RELN: variants seen among roughly 807,000 people sequenced by gnomAD.
The protein encoded by RELN is reelin.
A neutral mutation model predicts 427.6 loss-of-function variants in RELN; 108 were observed. That is an observed-to-expected ratio of 0.25 (90% CI 0.22 to 0.30). The LOEUF (loss-of-function observed/expected upper bound fraction) is 0.30. Among genes scored for constraint, RELN ranks in the 10% least tolerant of loss-of-function variants. RELN has a pLI of 1.00. For synonymous variants in RELN, 1,524 were observed against 1,513.4 expected, an observed-to-expected ratio of 1.01 and a Z score of -0.16; for missense variants, 3,715 against 4,302.8, an observed-to-expected ratio of 0.86 and a Z score of 3.82.
chr7:103,553,425 A>C (rs770499412), intron 40 of RELN, 36 bp downstream of exon 40: 4 of 1,502,820 alleles, frequency 2.7e-6, no homozygotes, highest in Non-Finnish European at 3.7e-6. Context: ...TTCAATATAA[A>C]ATTTAAAGCA....
intron 8 of RELN, among the ~76,000 whole-genome samples, chr7:103,708,234 C>T (rs915393679): frequency 1.3e-5 from 2 of 152,110 alleles, no homozygotes; most frequent in African/African-American, 4.8e-5. Context: ...ATCAATGAGT[C>T]GACCAACTAT....
chr7:103,570,848 A>G (rs994990455), intron 31 of RELN, among the ~76,000 whole-genome samples: 5 of 151,972 alleles, frequency 3.3e-5, no homozygotes, highest in Non-Finnish European at 7.3e-5. Flanking sequence ...TTATTATTAG[A>G]GGTTTATTAT....
intron 11 of RELN, among the ~76,000 whole-genome samples, chr7:103,665,811 A>C (rs1833252739): frequency 6.6e-6 from 1 of 152,072 alleles, no homozygotes; most frequent in African/African-American, 2.4e-5. Context: ...TCCTCTATTC[A>C]TTCTATATTC....
chr7:103,986,192 A>G (rs2116853235), intron 1 of RELN, among the ~76,000 whole-genome samples: 1 of 152,328 alleles, frequency 6.6e-6, no homozygotes, highest in Admixed American at 6.5e-5. Context: ...TGCCCTTTCA[A>G]AAGAGTCAGA....
chr7:103,527,476 C>G (rs1026272884), intron 46 of RELN, among the ~76,000 whole-genome samples: 2 of 152,192 alleles, frequency 1.3e-5, no homozygotes, highest in Non-Finnish European at 2.9e-5. Flanking sequence ...GCAAACCTTT[C>G]AAAACTCCAC....
At chr7:103,699,184 A>T (rs1321942706) in intron 9 of RELN, among the ~76,000 whole-genome samples, 1 of 152,130 alleles carries the variant, frequency 6.6e-6, no homozygotes, top group African/African-American at 2.4e-5. Context: ...CTAAAATGCA[A>T]ACTAGTGGTA....
At chr7:103,584,554 C>A (rs150443825) in intron 28 of RELN, among the ~76,000 whole-genome samples, 47 of 152,282 alleles carry the variant, frequency 3.1e-4, no homozygotes, top group African/African-American at 1.1e-3. Context: ...GGAACACCCA[C>A]ATTCATAAAA....
Position 103,682,127 on chromosome 7 carries a change from G to C in RELN, c.1278C>G (p.Ser426Arg), listed in dbSNP as rs755465811. 9.9e-6 allele frequency: 16 copies of C among 1,613,770 alleles called. No individual in the cohort carries two copies. In the South Asian group the frequency reaches 1.8e-4, roughly 18 times the overall value. ...IQEQWSEEFE[S>R]QPTGWDVLGA... ...TAGCAATTACTTACCCTGTAGGCTG[G>C]CTCTCAAATTCTTCTGACCATTGCT... Residue 426 changes from serine to arginine, a missense_variant, in exon 11 of 65, where the codon AGC (serine) becomes AGG (arginine). Ser to Arg is a moderately radical substitution (Grantham distance 110). Coordinates refer to ENST00000428762, the MANE Select transcript of RELN (RefSeq NM_005045.4).
chr7:103,777,682 G>A (rs1005271140), intron 3 of RELN, among the ~76,000 whole-genome samples: 1 of 151,980 alleles, frequency 6.6e-6, no homozygotes, highest in Non-Finnish European at 1.5e-5. Context: ...TCCTTGCTCT[G>A]GCCCACGTGT....
At position 103,652,723 on chromosome 7, in the gene RELN, G is replaced by T. The variant is rs752622372; in HGVS notation, c.1591C>A (p.Leu531Ile). 1.9e-6 allele frequency: 3 copies of T among 1,612,816 alleles called. No homozygotes were observed. Residue 531 changes from leucine to isoleucine, a missense_variant, in exon 14 of 65, where the codon CTT (leucine) becomes ATT (isoleucine). Physicochemically the swap from Leu to Ile is conservative, Grantham distance 5. Around this residue, in one of 4 missense-constraint regions of RELN, gnomAD observed 2,208 missense variants for 2,361.7 expected, o/e 0.93. Transcript: ENST00000428762. Reference protein sequence around the residue: ...SLVSVVINPELQTPATKFCLR... With the variant: ...SLVSVVINPEIQTPATKFCLR... ...CAAAATTTGGTAGCAGGAGTCTGAAGTTCAGGATTGATGACCACAGAAACC... is the reference window on the plus strand; with the variant it reads ...CAAAATTTGGTAGCAGGAGTCTGAATTTCAGGATTGATGACCACAGAAACC...
chr7:103,569,857 T>A lies in RELN; in HGVS notation c.4588+2327A>T, dbSNP rs1584304889. 6.6e-6 allele frequency among the ~76,000 whole-genome samples: 1 copy of A among 152,350 alleles called. No homozygotes were observed. The highest frequency in any genetic ancestry group is 1.9e-4 in the East Asian group (1 of 5,190). On this transcript the variant is annotated intron_variant, in intron 31 of 64. Transcript: ENST00000428762. The surrounding 1 kb of genome is among the most constrained non-coding windows in gnomAD (Gnocchi z 4.0). Reference sequence around the variant, plus strand: ...CAGGCCCTTTAACTCATCTACCAAGTGTTTAAGGCATGTGAAACATTTCTC... The same window carrying A: ...CAGGCCCTTTAACTCATCTACCAAGAGTTTAAGGCATGTGAAACATTTCTC...
chr7:103,574,341 T>C, intron 29 of RELN, 42 bp from the exon 30 acceptor site: 1 of 1,562,086 alleles, frequency 6.4e-7, no homozygotes, highest in Non-Finnish European at 8.8e-7. Context: ...TTTGTTGGAA[T>C]CATTCAAAAC....
intron 61 of RELN, among the ~76,000 whole-genome samples, chr7:103,484,702 A>T (rs10242886): frequency 6.6e-6 from 1 of 152,228 alleles, no homozygotes; most frequent in Non-Finnish European, 1.5e-5. Flanking sequence ...AAATCTTGTT[A>T]GAGTATTTCA....
chr7:103,611,443 T>C (rs1562921724), intron 21 of RELN, among the ~76,000 whole-genome samples, 168 bp downstream of exon 21: 1 of 152,258 alleles, frequency 6.6e-6, no homozygotes, highest in African/African-American at 2.4e-5. Flanking sequence ...TGTGGCATTT[T>C]TGTAATCCTT....
In RELN at chr7:103,684,244, T is replaced by C. The variant is rs144075611; in HGVS notation, c.1144-1983A>G. Among the ~76,000 whole-genome samples, 228 of 152,294 alleles carry C rather than the reference T, an allele frequency of 1.5e-3. 1 individual carries two copies. Among genetic ancestry groups the C allele is most frequent in the African/African-American group, 5.2e-3 (217 of 41,556 alleles). On this transcript the variant is annotated intron_variant, in intron 10 of 64. Transcript: ENST00000428762. The stretch of plus-strand genomic sequence containing the variant: ...TCATTCTGAGAACGCCTAAATCAAT[T>C]ACAAGACAAGTTAGAATTTCATGTT...
At chr7:103,524,882 G>A (rs932224444) in intron 46 of RELN, among the ~76,000 whole-genome samples, 1 of 152,074 alleles carries the variant, frequency 6.6e-6, no homozygotes, top group East Asian at 1.9e-4. Context: ...CCAGCAGAGT[G>A]ATCTCTGCCT....
chr7:103,871,233 T>C (rs2299393), intron 2 of RELN, among the ~76,000 whole-genome samples: 19,700 of 148,032 alleles, frequency 0.13, 1,540 homozygotes, highest in East Asian at 0.39. Context: ...TTTTTCTATT[T>C]ATTTTTTATT....
intron 2 of RELN, among the ~76,000 whole-genome samples, chr7:103,890,977 G>A (rs1460882272): frequency 6.6e-6 from 1 of 152,168 alleles, no homozygotes; most frequent in Non-Finnish European, 1.5e-5. Context: ...AATCCCTCAG[G>A]AGGTTGAGGG....
At position 103,847,364 on chromosome 7, in the gene RELN, A is replaced by G. The variant is rs987600951; in HGVS notation, c.338-13692T>C. 4.4e-4 allele frequency among the ~76,000 whole-genome samples: 67 copies of G among 152,162 alleles called. 1 individual carries two copies. Among genetic ancestry groups the G allele is most frequent in the Non-Finnish European group, 2.5e-4 (17 of 68,036 alleles). ...TCTCACTCATAAGTGGGAGTTGAAC[A>G]ATGAGAACACACGGACACAGGGAGG... On this transcript the variant is annotated intron_variant, in intron 2 of 64. Coordinates refer to ENST00000428762, the MANE Select transcript of RELN (RefSeq NM_005045.4).
Sources: allele counts gnomAD v4.1 joint callset (sites outside exome capture counted in the v4.1 genomes callset), GRCh38; gene constraint gnomAD v4.1.1; regional missense constraint gnomAD v4.1.1; non-coding constraint Gnocchi (gnomAD v3.1); transcripts MANE v1.5; gene names NCBI Gene and HGNC (gene_info 2026-07-23, HGNC 2026-07-21).